The following TMEM71 variants were observed in gnomAD, a reference collection of about 807,000 sequenced individuals.
TMEM71 encodes transmembrane protein 71.
A neutral mutation model predicts 38.0 loss-of-function variants in TMEM71; 44 were observed. The observed-to-expected ratio is 1.16, with a 90% CI of 0.91 to 1.49. The LOEUF (loss-of-function observed/expected upper bound fraction) is 1.49, where lower values mean the gene tolerates loss of function less well. Ranked by LOEUF, TMEM71 falls within the 40% of genes most tolerant of loss-of-function variation. The pLI, the probability that TMEM71 is intolerant of heterozygous loss-of-function variation, is 0.00. For missense variants in TMEM71, 367 were observed against 348.6 expected, an observed-to-expected ratio of 1.05 and a Z score of -0.42; for synonymous variants, 133 against 122.5, an observed-to-expected ratio of 1.09 and a Z score of -0.56.
intron 7 of TMEM71, among the ~76,000 whole-genome samples, chr8:132,718,677 G>A (rs779830752): frequency 1.3e-5 from 2 of 150,594 alleles, no homozygotes; most frequent in East Asian, 2.0e-4. Flanking sequence ...GACTACAGGC[G>A]TGAGCCACCG....
At chr8:132,720,644 A>G (rs1370819678) in intron 7 of TMEM71, among the ~76,000 whole-genome samples, 2 of 152,198 alleles carry the variant, frequency 1.3e-5, no homozygotes, top group South Asian at 2.1e-4. Flanking sequence ...TAAATTACCA[A>G]TTCTCAGTAA....
At chr8:132,746,446 C>CATATACATATATATATACATATAT (rs1259820153) in intron 5 of TMEM71, among the ~76,000 whole-genome samples, 1 of 13,234 alleles carries the variant, frequency 7.6e-5, no homozygotes. Flanking sequence ...TATACATATA[C>CATATACATATATATATACATATAT]ATATACATAT....
intron 9 of TMEM71, 72 bp from the exon 10 acceptor site, chr8:132,711,054 G>T: frequency 7.0e-7 from 1 of 1,433,946 alleles, no homozygotes; most frequent in Non-Finnish European, 9.7e-7. Flanking sequence ...TCTAATCACT[G>T]CATACCCATT....
intron 5 of TMEM71, 21 bp from the exon 6 acceptor site, chr8:132,728,007 AGTGTGAGTGTGTGTGTGTGT>A: frequency 6.6e-7 from 1 of 1,524,868 alleles, no homozygotes; most frequent in Non-Finnish European, 8.8e-7. Flanking sequence ...AGAGGGGTTC[AGTGTGAGTGTGTGTGTGTGT>A]GTGTGTGTGT....
At chr8:132,760,193 A>AG (rs1563759504) in intron 1 of TMEM71, 1 of 151,770 alleles carries the variant, frequency 6.6e-6, no homozygotes, top group Non-Finnish European at 1.5e-5. Flanking sequence ...GTAGGAAAAA[A>AG]AAAAGCCCTT....
At chr8:132,775,252 C>G in the TMEM71 span, 2 of 317,286 alleles carry the variant, frequency 6.3e-6, no homozygotes, top group South Asian at 1.5e-4. Flanking sequence ...TCAACGACCG[C>G]AAAGCCCCGC....
At position 132,747,110 on chromosome 8, in the gene TMEM71, A is replaced by G; in HGVS notation, c.319T>C (p.Phe107Leu). The stretch of plus-strand genomic sequence containing the variant: ...TGGCAGATTCTCTTTTTCTTTCTAA[A>G]TATCCTAGAGAGAAATGAAAGCATG... ...VMYKENLVRI[F>L]RKKKRICHSF... The change falls in exon 5 of 10, where the codon TTT becomes CTT. Residue 107 changes from phenylalanine to leucine, a missense_variant. Phe to Leu is a conservative substitution (Grantham distance 22). Transcript: ENST00000677595. The G allele has an allele frequency of 6.3e-7, 1 of 1,599,162 alleles. No homozygotes were observed. The highest frequency in any genetic ancestry group is 8.5e-7 in the Non-Finnish European group (1 of 1,173,908).
At chr8:132,748,989 A>T (rs991293792) in intron 4 of TMEM71, among the ~76,000 whole-genome samples, 1 of 152,256 alleles carries the variant, frequency 6.6e-6, no homozygotes, top group African/African-American at 2.4e-5. Context: ...CCAGAGCAGG[A>T]GTTTGGAATC....
intron 4 of TMEM71, among the ~76,000 whole-genome samples, chr8:132,751,075 A>G (rs974309300): frequency 1.9e-4 from 29 of 152,172 alleles, no homozygotes; most frequent in African/African-American, 7.0e-4. Context: ...AGTCACTATT[A>G]TCTTTCTAAG....
intron 9 of TMEM71, among the ~76,000 whole-genome samples, chr8:132,711,376 G>A (rs1011832703): frequency 3.3e-5 from 5 of 152,082 alleles, no homozygotes; most frequent in African/African-American, 1.2e-4. Context: ...TTAAAAACTT[G>A]GTAAAGAAAA....
intron 2 of TMEM71, 87 bp downstream of exon 2, chr8:132,758,753 G>C: frequency 1.7e-6 from 2 of 1,144,966 alleles, no homozygotes; most frequent in African/African-American, 1.5e-5. Flanking sequence ...AATGGTCTGA[G>C]TATCAGCAAA....
chr8:132,716,237 C>T (rs867677401), intron 7 of TMEM71, among the ~76,000 whole-genome samples: 1 of 152,220 alleles, frequency 6.6e-6, no homozygotes, highest in African/African-American at 2.4e-5. Flanking sequence ...GCTCTGATTT[C>T]GGAGCAAAGT....
At position 132,737,639 on chromosome 8, in the gene TMEM71, G is replaced by A. The variant is rs1208937028; in HGVS notation, c.487+9303C>T. 7.2e-5 allele frequency among the ~76,000 whole-genome samples: 11 copies of A among 152,288 alleles called. 1 individual carries two copies. In the South Asian group the frequency reaches 1.7e-3, roughly 23 times the overall value. ...TTAGCTTCTTCCCCTGGAAAATGGG[G>A]ATAAATAATAATAACTCAGAGGCTT... On this transcript the variant is annotated intron_variant, in intron 5 of 9. Coordinates refer to ENST00000677595, the MANE Select transcript of TMEM71 (RefSeq NM_001382403.1).
At chr8:132,735,085 G>A (rs868601737) in intron 5 of TMEM71, among the ~76,000 whole-genome samples, 2 of 152,182 alleles carry the variant, frequency 1.3e-5, no homozygotes, top group South Asian at 2.1e-4. Flanking sequence ...GGCAGAAATA[G>A]AGTCCATCCT....
At chr8:132,745,738 A>G (rs531100384) in intron 5 of TMEM71, among the ~76,000 whole-genome samples, 4 of 152,198 alleles carry the variant, frequency 2.6e-5, no homozygotes, top group East Asian at 1.9e-4. Context: ...CAGGAGCACT[A>G]TTCACAATAA....
chr8:132,743,776 T>A (rs924093062), intron 5 of TMEM71, among the ~76,000 whole-genome samples: 1 of 152,182 alleles, frequency 6.6e-6, no homozygotes, highest in Non-Finnish European at 1.5e-5. Flanking sequence ...GTCTCTTGGA[T>A]GTCCCAAAGA....
rs566169698 is a variant in TMEM71, at chr8:132,710,648, G to A, written c.*319C>T. On this transcript the variant is annotated 3_prime_UTR_variant, in exon 10 of 10. Coordinates refer to ENST00000677595, the MANE Select transcript of TMEM71 (RefSeq NM_001382403.1). The stretch of plus-strand genomic sequence containing the variant: ...AATTTCCTAATGAAAATTCAAGCTC[G>A]AGAACCACTGCCTTAAAGAATCATA... 2.0e-5 allele frequency: 10 copies of A among 494,320 alleles called. No individual in the cohort carries two copies. The highest frequency in any genetic ancestry group is 1.4e-4 in the East Asian group (4 of 29,170). The allele number at this position is 494,320 out of a possible 1,614,324, so 30.6% of individuals were successfully genotyped here.
the TMEM71 span, among the ~76,000 whole-genome samples, chr8:132,771,775 G>GA: frequency 6.6e-6 from 1 of 152,144 alleles, no homozygotes; most frequent in South Asian, 2.1e-4. Flanking sequence ...TTAGAGAGGT[G>GA]AAAAAAATGC....
chr8:132,748,512 T>C (rs1828516399), intron 4 of TMEM71, among the ~76,000 whole-genome samples: 1 of 152,186 alleles, frequency 6.6e-6, no homozygotes, highest in Admixed American at 6.5e-5. Flanking sequence ...TTGAACTCTC[T>C]CTGTCATAGG....
Sources: gnomAD v4.1 joint callset for allele counts (sites outside exome capture counted in the v4.1 genomes callset) on GRCh38, gnomAD v4.1.1 for gene constraint, MANE v1.5 for transcripts, NCBI Gene and HGNC (gene_info 2026-07-23, HGNC 2026-07-21) for gene names.